The following USP48 variants were observed in gnomAD, a reference collection of about 807,000 sequenced individuals.
The protein encoded by USP48 is ubiquitin specific peptidase 48.
Under a neutral mutation model 150.7 loss-of-function variants are expected in USP48, and 43 were observed. The observed-to-expected ratio is 0.29, with a 90% CI of 0.22 to 0.37. The LOEUF (loss-of-function observed/expected upper bound fraction) is 0.37. USP48 is among the 10% of genes least tolerant of loss of function. The pLI is 1.00. For missense variants in USP48, 813 were observed against 1,249.6 expected (o/e 0.65, Z 5.27); for synonymous variants, 396 against 425.9 (o/e 0.93, Z 0.86).
At chr1:21,755,733 T>C (rs1358933270) in intron 3 of USP48, among the ~76,000 whole-genome samples, 1 of 152,020 alleles carries the variant, frequency 6.6e-6, no homozygotes, top group African/African-American at 2.4e-5. Flanking sequence ...TTTTGCAGGC[T>C]GGTAAAAGCT....
intron 3 of USP48, among the ~76,000 whole-genome samples, chr1:21,755,319 G>A (rs1048162893): frequency 9.2e-5 from 14 of 152,064 alleles, no homozygotes; most frequent in Admixed American, 2.0e-4. Context: ...CCAGCACTCT[G>A]GGAGACCAAG....
chr1:21,750,848 T>C (rs2097810278), intron 6 of USP48, among the ~76,000 whole-genome samples: 1 of 151,310 alleles, frequency 6.6e-6, no homozygotes, highest in South Asian at 2.1e-4. Flanking sequence ...TGCCATTGCA[T>C]TCCAGCCTGG....
intron 23 of USP48, among the ~76,000 whole-genome samples, chr1:21,693,338 T>C (rs1178089216): frequency 6.6e-6 from 1 of 152,196 alleles, no homozygotes; most frequent in Non-Finnish European, 1.5e-5. Flanking sequence ...TCTGATGCTA[T>C]CCACACTGCC....
intron 9 of USP48, chr1:21,732,705 G>A (rs1189582525): frequency 8.1e-6 from 3 of 369,988 alleles, no homozygotes; most frequent in African/African-American, 4.3e-5. Flanking sequence ...AAACATAATG[G>A]AAATAGTAGT....
At chr1:21,774,163 A>G (rs2097890519) in intron 1 of USP48, among the ~76,000 whole-genome samples, 1 of 148,224 alleles carries the variant, frequency 6.7e-6, no homozygotes, top group Admixed American at 6.8e-5. Flanking sequence ...TGGGTGACAG[A>G]GCGAGACTCC....
At position 21,701,531 on chromosome 1, in the gene USP48, T is replaced by G. The variant is rs761196254; in HGVS notation, c.2694A>C (p.Lys898Asn). Reference protein sequence around the residue: ...SETEEDKEEAKPDGEKDPDFN... With the variant: ...SETEEDKEEANPDGEKDPDFN... ...AATCTGGATCTTTTTCTCCATCTGG[T>G]TTAGCTTCTTCCTTGTCCTCCTCTG... Residue 898 changes from lysine (K) to asparagine (N), a missense_variant, in exon 22 of 27, where the codon AAA becomes AAC. Coordinates refer to ENST00000308271, the MANE Select transcript of USP48 (RefSeq NM_032236.8). 6.2e-7 allele frequency: 1 copy of G among 1,614,066 alleles called. No homozygotes were observed. The highest frequency in any genetic ancestry group is 8.5e-7 in the Non-Finnish European group (1 of 1,179,944).
intron 15 of USP48, among the ~76,000 whole-genome samples, chr1:21,708,669 G>A (rs1384451082): frequency 6.6e-6 from 1 of 151,796 alleles, no homozygotes; most frequent in African/African-American, 2.4e-5. Flanking sequence ...GGATCACAAG[G>A]TCAGGAGTTC....
At chr1:21,689,870 G>A in intron 24 of USP48, 104 bp downstream of exon 24, 1 of 1,482,704 alleles carries the variant, frequency 6.7e-7, no homozygotes, top group Non-Finnish European at 9.1e-7. Context: ...ACTACCCTCT[G>A]CTAAAGACCC....
At chr1:21,714,278 T>C (rs2097698319) in intron 15 of USP48, among the ~76,000 whole-genome samples, 1 of 152,138 alleles carries the variant, frequency 6.6e-6, no homozygotes, top group African/African-American at 2.4e-5. Flanking sequence ...TATTGTCCTA[T>C]TGATTTTATT....
Position 21,702,875 on chromosome 1 carries a change from C to T in USP48, c.2622+637G>A, listed in dbSNP as rs555599524. Among the ~76,000 whole-genome samples, 13 of 152,326 alleles carry T rather than the reference C, an allele frequency of 8.5e-5. No individual in the cohort carries two copies. In the South Asian group the frequency reaches 2.1e-3, roughly 24 times the overall value. ...CACATGGCCAGTGACTACTGCAGTG[C>T]GCAGCACAGATACAGAACCTAGAAC... On this transcript the variant is annotated intron_variant, in intron 21 of 26. Coordinates refer to ENST00000308271, the MANE Select transcript of USP48 (RefSeq NM_032236.8).
intron 1 of USP48, among the ~76,000 whole-genome samples, chr1:21,765,666 C>T (rs535631861): frequency 7.5e-4 from 114 of 151,226 alleles, no homozygotes; most frequent in African/African-American, 2.6e-3. Context: ...TGAGACGTTC[C>T]GAAGCTAAAC....
chr1:21,756,438 G>A (rs1337556453), intron 3 of USP48, 108 bp downstream of exon 3: 6 of 1,294,564 alleles, frequency 4.6e-6, no homozygotes, highest in South Asian at 4.1e-5. Context: ...CCGAGATGGC[G>A]CCACTTCACT....
chr1:21,706,118 G>A lies in USP48; in HGVS notation c.2273+8C>T. 6.2e-7 allele frequency: 1 copy of A among 1,612,430 alleles called. No homozygotes were observed. ...CAATAAAGGAAATAAAACATATTTTGTTTCTACCTAACAAATTTCCGCCAC... is the reference window on the plus strand; with the variant it reads ...CAATAAAGGAAATAAAACATATTTTATTTCTACCTAACAAATTTCCGCCAC... On this transcript the variant is annotated splice_region_variant and intron_variant, in intron 18 of 26. Coordinates refer to ENST00000308271, the MANE Select transcript of USP48 (RefSeq NM_032236.8).
At chr1:21,706,381 G>A (rs1403634729) in intron 17 of USP48, 86 bp downstream of exon 17, 3 of 1,586,332 alleles carry the variant, frequency 1.9e-6, no homozygotes, top group Non-Finnish European at 1.7e-6. Context: ...GAGAAGTTCT[G>A]GGTTGTTCTG....
chr1:21,755,234 C>T (rs992926136), intron 3 of USP48, among the ~76,000 whole-genome samples: 1 of 152,048 alleles, frequency 6.6e-6, no homozygotes, highest in Admixed American at 6.6e-5. Context: ...TAAAATATTA[C>T]TCCTTGGCCT....
At chr1:21,778,537 C>G (rs940015395) in intron 1 of USP48, among the ~76,000 whole-genome samples, 1 of 134,248 alleles carries the variant, frequency 7.4e-6, no homozygotes, top group South Asian at 2.4e-4. Flanking sequence ...GAAGCTGGGG[C>G]AGGAGTATTG....
intron 8 of USP48, among the ~76,000 whole-genome samples, chr1:21,746,464 A>G (rs1159753205): frequency 2.0e-5 from 3 of 152,130 alleles, no homozygotes; most frequent in Non-Finnish European, 4.4e-5. Flanking sequence ...ATACATACAT[A>G]CATACATAAT....
chr1:21,694,598 A>AAC (rs1557429200), intron 23 of USP48, among the ~76,000 whole-genome samples: 4 of 120,318 alleles, frequency 3.3e-5, no homozygotes, highest in African/African-American at 5.7e-5. Flanking sequence ...AAAAAAAAAA[A>AAC]AAAAAAAAAC....
At chr1:21,733,502 T>C (rs377007329) in intron 9 of USP48, among the ~76,000 whole-genome samples, 8 of 152,216 alleles carry the variant, frequency 5.3e-5, no homozygotes, top group African/African-American at 1.7e-4. Flanking sequence ...AACTTCAGGA[T>C]ACAACATAAT....
Sources: allele counts gnomAD v4.1 joint callset (sites outside exome capture counted in the v4.1 genomes callset), GRCh38; gene constraint gnomAD v4.1.1; transcripts MANE v1.5; gene names NCBI Gene and HGNC (gene_info 2026-07-23, HGNC 2026-07-21).